Variants in TRPC5 observed in about 807,000 individuals in gnomAD.
TRPC5 encodes the protein short transient receptor potential channel 5.
In TRPC5, 9 loss-of-function variants were observed where a neutral mutation model predicts 56.5. The observed-to-expected ratio is 0.16, with a 90% CI of 0.10 to 0.28. The LOEUF is 0.28. TRPC5 is among the 10% of genes least tolerant of loss of function. TRPC5 has a pLI of 1.00. For missense variants in TRPC5, 469 were observed against 748.9 expected, an observed-to-expected ratio of 0.63 and a Z score of 4.36; for synonymous variants, 282 against 278.5, an observed-to-expected ratio of 1.01 and a Z score of -0.13.
At chrX:111,797,505 G>T (rs1352477485) in intron 7 of TRPC5, among the ~76,000 whole-genome samples, 1 of 111,632 alleles carries the variant, frequency 9.0e-6, no homozygotes, top group Admixed American at 9.5e-5. Flanking sequence ...TGTGCAGTAA[G>T]TTCAAAATAA....
chrX:111,880,607 G>A (rs1226837689), intron 3 of TRPC5, among the ~76,000 whole-genome samples: 4 of 112,388 alleles, frequency 3.6e-5, no homozygotes, highest in Non-Finnish European at 7.5e-5. Flanking sequence ...GCCTATGTAA[G>A]TTTAACTTAT....
At chrX:111,821,092 T>A (rs1922015995) in intron 7 of TRPC5, among the ~76,000 whole-genome samples, 1 of 111,368 alleles carries the variant, frequency 9.0e-6, no homozygotes, top group Non-Finnish European at 1.9e-5. Flanking sequence ...TAATAATTGG[T>A]GTTGATTTCC....
intron 1 of TRPC5, among the ~76,000 whole-genome samples, chrX:112,074,728 G>A (rs903735641): frequency 1.8e-5 from 2 of 111,649 alleles, no homozygotes; most frequent in Non-Finnish European, 3.8e-5. Context: ...TGACCATGTC[G>A]AAAGTTCCTA....
At chrX:111,990,080 A>G (rs953554377) in intron 1 of TRPC5, among the ~76,000 whole-genome samples, 11 of 112,336 alleles carry the variant, frequency 9.8e-5, no homozygotes, top group Non-Finnish European at 2.1e-4. Context: ...TAAAAGGGAC[A>G]GTTAGACTAA....
At chrX:112,067,942 C>T (rs1335976686) in intron 1 of TRPC5, among the ~76,000 whole-genome samples, 1 of 112,522 alleles carries the variant, frequency 8.9e-6, no homozygotes, top group East Asian at 2.8e-4. Context: ...TGTTCACACA[C>T]ATTTCTTTCT....
At chrX:112,045,882 T>C (rs1250249098) in intron 1 of TRPC5, among the ~76,000 whole-genome samples, 1 of 111,597 alleles carries the variant, frequency 9.0e-6, no homozygotes, top group African/African-American at 3.3e-5. Flanking sequence ...GGGGTTAATA[T>C]CTGGGATTTC....
chrX:111,774,034 A>G lies in TRPC5; in HGVS notation c.*2279T>C, dbSNP rs1166963689. On this transcript the variant is annotated 3_prime_UTR_variant, in exon 11 of 11. Coordinates refer to ENST00000262839, the MANE Select transcript of TRPC5 (RefSeq NM_012471.3). ...CTATAGCTAGTAAAGTCTTAAGCCC[A>G]AGTCACAACGATAACCCTGAGAAGA... Among the ~76,000 whole-genome samples, 1 of 111,766 alleles carries G rather than the reference A, an allele frequency of 8.9e-6. No homozygotes were observed. The highest frequency in any genetic ancestry group is 1.9e-5 in the Non-Finnish European group (1 of 53,092).
chrX:111,936,335 CT>C lies in TRPC5; in HGVS notation c.378+15707del, dbSNP rs927955278. On this transcript the variant is annotated intron_variant, in intron 2 of 10. Transcript: ENST00000262839. ...ACTTTACTGAATTTGTTTATCAGTT[CT>C]TTTTTTTTTCTTTTATTATTATTAT... Among the ~76,000 whole-genome samples, 63 of 105,795 alleles carry C rather than the reference CT, an allele frequency of 6.0e-4. No individual in the cohort carries two copies. The East Asian group carries it at 0.012, about 19-fold the overall frequency. 91.9% of individuals were successfully genotyped at this position (105,795 alleles called of 115,157 possible).
At chrX:111,837,906 C>CAAA (rs757607444) in intron 6 of TRPC5, among the ~76,000 whole-genome samples, 36 of 42,657 alleles carry the variant, frequency 8.4e-4, no homozygotes, top group African/African-American at 2.2e-3. Flanking sequence ...GCCCCGTTAT[C>CAAA]AAAAAAAAAA....
intron 7 of TRPC5, among the ~76,000 whole-genome samples, chrX:111,785,781 T>C (rs766637869): frequency 9.0e-6 from 1 of 111,593 alleles, no homozygotes; most frequent in Non-Finnish European, 1.9e-5. Context: ...CAAGCTTCAA[T>C]AGCCAATTTG....
At chrX:111,841,572 G>A (rs958172707) in intron 6 of TRPC5, among the ~76,000 whole-genome samples, 2 of 112,088 alleles carry the variant, frequency 1.8e-5, no homozygotes, top group African/African-American at 3.2e-5. Flanking sequence ...TTCCTAGCAC[G>A]CAGTAAATAT....
intron 7 of TRPC5, among the ~76,000 whole-genome samples, chrX:111,828,412 T>C (rs920590792): frequency 1.4e-4 from 16 of 112,028 alleles, no homozygotes; most frequent in African/African-American, 4.9e-4. Flanking sequence ...ACTCATTCTC[T>C]CTCCTGCTGC....
intron 1 of TRPC5, among the ~76,000 whole-genome samples, chrX:111,970,330 C>T (rs1014266658): frequency 1.8e-5 from 2 of 111,532 alleles, no homozygotes; most frequent in Non-Finnish European, 3.8e-5. Context: ...TTTCTCGGCC[C>T]CAGAGAGTTC....
intron 2 of TRPC5, among the ~76,000 whole-genome samples, chrX:111,931,869 C>A (rs746918473): frequency 5.4e-5 from 6 of 111,273 alleles, no homozygotes; most frequent in Non-Finnish European, 1.1e-4. Context: ...TTGTGGGTAT[C>A]GAATAAGATA....
intron 1 of TRPC5, among the ~76,000 whole-genome samples, chrX:111,979,245 G>A (rs1354676284): frequency 9.0e-6 from 1 of 111,245 alleles, no homozygotes; most frequent in Non-Finnish European, 1.9e-5. Flanking sequence ...TTCAACAAAA[G>A]GTGCTGGAAC....
Position 112,028,196 on chromosome X carries a change from T to G in TRPC5, c.-22+53683A>C, listed in dbSNP as rs184981984. Reference sequence around the variant, plus strand: ...AGTTCAAAGATCCTTATTCACTATATACAAACACAGGCCCAGAAAGATGCT... The same window carrying G: ...AGTTCAAAGATCCTTATTCACTATAGACAAACACAGGCCCAGAAAGATGCT... On this transcript the variant is annotated intron_variant, in intron 1 of 10. Transcript: ENST00000262839. Among the ~76,000 whole-genome samples, 179 of 112,440 alleles carry G rather than the reference T, an allele frequency of 1.6e-3. 3 individuals are homozygous for G. Among genetic ancestry groups the G allele is most frequent in the Admixed American group, 0.014 (148 of 10,651 alleles).
intron 1 of TRPC5, among the ~76,000 whole-genome samples, chrX:112,068,046 CATA>C (rs1401505214): frequency 8.9e-6 from 1 of 112,246 alleles, no homozygotes; most frequent in Middle Eastern, 4.2e-3. Flanking sequence ...GGAAATTTGC[CATA>C]ATATTGGAAG....
intron 9 of TRPC5, 51 bp from the exon 10 acceptor site, chrX:111,779,125 G>T: frequency 1.1e-6 from 1 of 913,395 alleles, no homozygotes; most frequent in Non-Finnish European, 1.5e-6. Flanking sequence ...CAGGCTCTCA[G>T]TACAGTAAGA....
At chrX:112,003,383 G>A (rs1286301985) in intron 1 of TRPC5, among the ~76,000 whole-genome samples, 1 of 111,007 alleles carries the variant, frequency 9.0e-6, no homozygotes, top group Non-Finnish European at 1.9e-5. Context: ...TGATCCATCA[G>A]AAAAGAACTG....
Sources: gnomAD v4.1 joint callset for allele counts (sites outside exome capture counted in the v4.1 genomes callset) on GRCh38, gnomAD v4.1.1 for gene constraint, MANE v1.5 for transcripts, NCBI Gene and HGNC (gene_info 2026-07-23, HGNC 2026-07-21) for gene names.